FER: variants seen among roughly 807,000 people sequenced by gnomAD.
FER encodes the protein FER tyrosine kinase, also known as tyrosine-protein kinase Fer.
Under a neutral mutation model 111.0 loss-of-function variants are expected in FER, and 63 were observed. The ratio of observed to expected loss-of-function variants is 0.57; its 90% confidence interval spans 0.46 to 0.70. The LOEUF is 0.70. Among genes scored for constraint, FER ranks in the 30% least tolerant of loss-of-function variants. The pLI, the probability that FER is intolerant of heterozygous loss-of-function variation, is 0.00. For synonymous variants in FER, 327 were observed against 313.9 expected (o/e 1.04, Z -0.44); for missense variants, 914 against 954.0 (o/e 0.96, Z 0.55).
intron 3 of FER, among the ~76,000 whole-genome samples, chr5:108,814,732 A>G (rs1758106708): frequency 6.6e-6 from 1 of 152,190 alleles, no homozygotes; most frequent in Non-Finnish European, 1.5e-5. Context: ...CAGCTCAGCA[A>G]GTCGCAGCCT....
intron 10 of FER, among the ~76,000 whole-genome samples, chr5:108,901,611 C>G (rs1750037865): frequency 6.6e-6 from 1 of 152,066 alleles, no homozygotes; most frequent in African/African-American, 2.4e-5. Flanking sequence ...GTGTCTACCA[C>G]AGAAATAAAA....
chr5:109,080,818 CGA>C (rs1561869735), intron 16 of FER, among the ~76,000 whole-genome samples: 1 of 151,890 alleles, frequency 6.6e-6, no homozygotes. Flanking sequence ...AAGATTGGAT[CGA>C]GAGTTGAGAA....
chr5:109,154,710 C>G (rs1197852038), intron 17 of FER, among the ~76,000 whole-genome samples: 1 of 151,826 alleles, frequency 6.6e-6, no homozygotes, highest in African/African-American at 2.4e-5. Context: ...GTGGCTGTAA[C>G]AAATTACCAC....
At chr5:108,973,217 A>C (rs1305275620) in intron 13 of FER, among the ~76,000 whole-genome samples, 2 of 152,164 alleles carry the variant, frequency 1.3e-5, no homozygotes, top group Non-Finnish European at 2.9e-5. Context: ...ACTTTAAAAA[A>C]CACCATTTAT....
At chr5:108,844,057 A>AAAATGTGTGTGAAC (rs1761568758) in intron 5 of FER, among the ~76,000 whole-genome samples, 1 of 100,222 alleles carries the variant, frequency 1.0e-5, no homozygotes. Context: ...TATGTGTGTG[A>AAAATGTGTGTGAAC]ACATATATAT....
At chr5:108,808,563 C>G (rs931901153) in intron 3 of FER, among the ~76,000 whole-genome samples, 2 of 151,380 alleles carry the variant, frequency 1.3e-5, no homozygotes, top group African/African-American at 4.9e-5. Context: ...AACTCTGTGC[C>G]TTTTAAGTGG....
At chr5:108,856,325 GA>G (rs1221442996) in intron 5 of FER, among the ~76,000 whole-genome samples, 11 of 152,028 alleles carry the variant, frequency 7.2e-5, no homozygotes, top group Non-Finnish European at 1.2e-4. Context: ...AGTATACAAT[GA>G]AAAAGTTTTT....
chr5:109,135,634 C>T (rs1308367372), intron 17 of FER, among the ~76,000 whole-genome samples: 1 of 152,078 alleles, frequency 6.6e-6, no homozygotes, highest in Non-Finnish European at 1.5e-5. Flanking sequence ...ATAGCCTCCC[C>T]AACTCACCAA....
intron 17 of FER, among the ~76,000 whole-genome samples, chr5:109,162,810 C>G (rs1385122123): frequency 1.3e-5 from 2 of 152,022 alleles, no homozygotes; most frequent in African/African-American, 4.8e-5. Flanking sequence ...ACAAGACTTG[C>G]ATATTATATA....
At chr5:108,789,629 A>ATT (rs1272673292) in intron 2 of FER, among the ~76,000 whole-genome samples, 1 of 150,714 alleles carries the variant, frequency 6.6e-6, no homozygotes, top group Admixed American at 6.6e-5. Flanking sequence ...TTTTTTTTAA[A>ATT]AGACAGTGTC....
chr5:109,131,413 T>A (rs7729380), intron 17 of FER, among the ~76,000 whole-genome samples: 5,193 of 152,184 alleles, frequency 0.034, 143 homozygotes, highest in South Asian at 0.084. Flanking sequence ...TAGCATAAGA[T>A]TTTTTCCCCT....
intron 2 of FER, among the ~76,000 whole-genome samples, chr5:108,787,742 C>T (rs942133134): frequency 1.3e-5 from 2 of 152,180 alleles, no homozygotes; most frequent in African/African-American, 4.8e-5. Context: ...CTTGTTGGGA[C>T]AACCTGCCTG....
chr5:109,080,504 G>A (rs942665693), intron 16 of FER, among the ~76,000 whole-genome samples: 4 of 151,986 alleles, frequency 2.6e-5, no homozygotes, highest in African/African-American at 9.7e-5. Flanking sequence ...TTCAGGTATC[G>A]GTGAAAGTCA....
At chr5:109,055,093 G>A (rs1773450780) in intron 16 of FER, among the ~76,000 whole-genome samples, 1 of 152,094 alleles carries the variant, frequency 6.6e-6, no homozygotes, top group Non-Finnish European at 1.5e-5. Context: ...AGATGGTGCT[G>A]GGAAAACTGC....
chr5:108,979,927 A>C (rs1228568984), intron 13 of FER, among the ~76,000 whole-genome samples: 4 of 152,150 alleles, frequency 2.6e-5, no homozygotes, highest in Non-Finnish European at 4.4e-5. Context: ...TTACAATGGG[A>C]TTAGGATCCA....
chr5:108,826,364 C>T (rs1447302331), intron 3 of FER, among the ~76,000 whole-genome samples: 1 of 152,154 alleles, frequency 6.6e-6, no homozygotes, highest in Admixed American at 6.6e-5. Context: ...AGGATTTTTA[C>T]ATCTGTGTTC....
intron 13 of FER, among the ~76,000 whole-genome samples, chr5:109,004,406 TA>T (rs1765233137): frequency 2.0e-5 from 3 of 152,148 alleles, no homozygotes; most frequent in Admixed American, 1.3e-4. Context: ...TATAAATAAA[TA>T]TTAGCCATTT....
chr5:108,931,520 T>C (rs1715390784), intron 10 of FER, among the ~76,000 whole-genome samples: 1 of 152,208 alleles, frequency 6.6e-6, no homozygotes, highest in Non-Finnish European at 1.5e-5. Context: ...GTCATTAATA[T>C]TGCATAGTTT....
At chr5:109,108,362 C>T (rs1257092333) in intron 17 of FER, among the ~76,000 whole-genome samples, 1 of 152,112 alleles carries the variant, frequency 6.6e-6, no homozygotes, top group Non-Finnish European at 1.5e-5. Context: ...TCATTTTCTT[C>T]CCTTTTGTGA....
Sources: allele counts gnomAD v4.1 joint callset (sites outside exome capture counted in the v4.1 genomes callset), GRCh38; gene constraint gnomAD v4.1.1; transcripts MANE v1.5; gene names NCBI Gene and HGNC (gene_info 2026-07-23, HGNC 2026-07-21).